Variants in PHLDB2 observed in about 807,000 individuals in gnomAD.
PHLDB2 encodes pleckstrin homology like domain family B member 2, also known as pleckstrin homology-like domain family B member 2.
In PHLDB2, 71 loss-of-function variants were observed where a neutral mutation model predicts 123.6. That is an observed-to-expected ratio of 0.57 (90% CI 0.47 to 0.70). The LOEUF (loss-of-function observed/expected upper bound fraction) is 0.70, where lower values mean the gene tolerates loss of function less well. Among genes scored for constraint, PHLDB2 ranks in the 30% least tolerant of loss-of-function variants. The pLI is 0.00. For missense variants in PHLDB2, 1,446 were observed against 1,519.5 expected (o/e 0.95, Z 0.80); for synonymous variants, 547 against 541.6 (o/e 1.01, Z -0.14).
chr3:111,919,318 A>G, intron 4 of PHLDB2, 103 bp downstream of exon 4: 1 of 1,149,784 alleles, frequency 8.7e-7, no homozygotes, highest in Non-Finnish European at 1.3e-6. Flanking sequence ...ATAGACGTCA[A>G]CACAAGCAAA....
At chr3:111,821,386 G>A (rs1706472480) in intron 1 of PHLDB2, among the ~76,000 whole-genome samples, 1 of 152,148 alleles carries the variant, frequency 6.6e-6, no homozygotes, top group Admixed American at 6.5e-5. Context: ...GACAGAGAGA[G>A]ATTTATTTTA....
chr3:111,869,180 CA>C (rs892545955), intron 1 of PHLDB2, among the ~76,000 whole-genome samples: 11 of 152,048 alleles, frequency 7.2e-5, no homozygotes, highest in African/African-American at 2.7e-4. Context: ...TCTTCTTTGA[CA>C]GAGCTCAGAC....
chr3:111,875,758 G>C (rs935747092), intron 1 of PHLDB2, among the ~76,000 whole-genome samples: 2 of 150,780 alleles, frequency 1.3e-5, no homozygotes, highest in Non-Finnish European at 2.9e-5. Flanking sequence ...TGGAGGCGGA[G>C]GATGCAGTGA....
intron 1 of PHLDB2, among the ~76,000 whole-genome samples, chr3:111,834,173 AATTATATAT>A (rs1429656856): frequency 0.14 from 8,609 of 61,962 alleles, 1,652 homozygotes; most frequent in Middle Eastern, 0.32. Context: ...TATGTAATAG[AATTATATAT>A]ATTATATATG....
At chr3:111,842,787 C>A (rs559895995) in intron 1 of PHLDB2, among the ~76,000 whole-genome samples, 13 of 152,290 alleles carry the variant, frequency 8.5e-5, no homozygotes, top group African/African-American at 3.1e-4. Flanking sequence ...CACTTCCAGG[C>A]AACCACAAAT....
intron 2 of PHLDB2, among the ~76,000 whole-genome samples, chr3:111,850,083 G>A (rs754402956): frequency 3.3e-5 from 5 of 151,890 alleles, no homozygotes; most frequent in Non-Finnish European, 5.9e-5. Flanking sequence ...GGATGGTCTC[G>A]ATCTCCTGAC....
chr3:111,940,726 C>A, intron 8 of PHLDB2, 81 bp downstream of exon 8: 4 of 664,030 alleles, frequency 6.0e-6, no homozygotes, highest in Non-Finnish European at 9.8e-6. Flanking sequence ...AAAGTAAACA[C>A]CTTTTAATAG....
chr3:111,800,655 T>C (rs753217164), intron 1 of PHLDB2, among the ~76,000 whole-genome samples: 11 of 152,214 alleles, frequency 7.2e-5, no homozygotes, highest in African/African-American at 1.2e-4. Context: ...ATTTTTACTA[T>C]TGGACTCTTT....
intron 2 of PHLDB2, chr3:111,885,682 A>C: frequency 1.6e-6 from 1 of 634,996 alleles, no homozygotes; most frequent in South Asian, 1.9e-5. Flanking sequence ...TAAAAACATA[A>C]CAGAGGAGTT....
intron 2 of PHLDB2, among the ~76,000 whole-genome samples, chr3:111,912,900 C>T (rs922820392): frequency 1.2e-4 from 19 of 152,120 alleles, no homozygotes; most frequent in African/African-American, 4.6e-4. Context: ...GATCACTGGA[C>T]CCCAGGAGTT....
At chr3:111,895,857 A>ACTCT (rs1553746616) in intron 2 of PHLDB2, among the ~76,000 whole-genome samples, 1 of 95,988 alleles carries the variant, frequency 1.0e-5, no homozygotes, top group Non-Finnish European at 2.6e-5. Context: ...AAAAAAAAAA[A>ACTCT]ATCTATCTAT....
rs200776359 is a variant in PHLDB2 at position 111,885,431 on chromosome 3, G to A, written c.1335+19G>A. The A allele has an allele frequency of 2.0e-4, 316 of 1,613,842 alleles. No individual in the cohort carries two copies. Among genetic ancestry groups the A allele is most frequent in the Non-Finnish European group, 5.1e-6 (6 of 1,180,028 alleles). On this transcript the variant is annotated intron_variant, in intron 2 of 17. Transcript: ENST00000431670. ...GCGATTGGTAATCTTCATCTCAACA[G>A]TGATTGACCTCACTGTTTCATTAAC...
chr3:111,824,928 T>A (rs2062582831), intron 1 of PHLDB2, among the ~76,000 whole-genome samples: 1 of 152,154 alleles, frequency 6.6e-6, no homozygotes, highest in Non-Finnish European at 1.5e-5. Context: ...TGTGGAAAAA[T>A]TGTTCCTTAT....
chr3:111,897,351 T>C (rs2066933717), intron 2 of PHLDB2, among the ~76,000 whole-genome samples: 1 of 152,228 alleles, frequency 6.6e-6, no homozygotes, highest in South Asian at 2.1e-4. Flanking sequence ...TTTTCCACCT[T>C]TCAGAGTCTT....
In PHLDB2 at chr3:111,763,560, T is replaced by TTTA. The variant is rs557461583; in HGVS notation, c.-49+30866_-49+30868dup. 3.5e-4 allele frequency among the ~76,000 whole-genome samples: 53 copies of TTTA among 152,244 alleles called. No individual in the cohort carries two copies. In the South Asian group the frequency reaches 0.011, roughly 31 times the overall value. On this transcript the variant is annotated intron_variant, in intron 1 of 17. Coordinates refer to the PHLDB2 transcript ENST00000393923. ...ATATGTCTTGCTATTACTATTTATT[T>TTTA]TTATTATTATTGTTACTACAACTAC...
chr3:111,950,709 T>G (rs528715835), intron 10 of PHLDB2, among the ~76,000 whole-genome samples: 2 of 152,240 alleles, frequency 1.3e-5, no homozygotes, highest in South Asian at 4.1e-4. Flanking sequence ...GTAGGCGAGC[T>G]CTGGTTGGTC....
intron 1 of PHLDB2, among the ~76,000 whole-genome samples, chr3:111,778,847 C>T (rs1251600480): frequency 6.6e-6 from 1 of 152,092 alleles, no homozygotes; most frequent in East Asian, 1.9e-4. Context: ...ACTGAGGGAT[C>T]ACACTTTCTC....
chr3:111,894,180 G>T (rs865895399), intron 2 of PHLDB2, among the ~76,000 whole-genome samples: 20 of 149,828 alleles, frequency 1.3e-4, no homozygotes, highest in African/African-American at 3.9e-4. Flanking sequence ...TTGTTCTTGC[G>T]ATAGTTTACT....
At chr3:111,899,173 T>G (rs369587673) in intron 2 of PHLDB2, among the ~76,000 whole-genome samples, 3 of 152,338 alleles carry the variant, frequency 2.0e-5, no homozygotes, top group Admixed American at 6.5e-5. Context: ...TATTGTGTTA[T>G]CAGGCATGAA....
Sources: gnomAD v4.1 joint callset for allele counts (sites outside exome capture counted in the v4.1 genomes callset) on GRCh38, gnomAD v4.1.1 for gene constraint, MANE v1.5 for transcripts, NCBI Gene and HGNC (gene_info 2026-07-23, HGNC 2026-07-21) for gene names.